Variants in TUBGCP4 observed in about 807,000 individuals in gnomAD.
TUBGCP4 encodes gamma-tubulin complex component 4.
A neutral mutation model predicts 91.6 loss-of-function variants in TUBGCP4; 54 were observed. That is an observed-to-expected ratio of 0.59 (90% confidence interval 0.47 to 0.74). TUBGCP4 has a LOEUF of 0.74. TUBGCP4 is among the 30% of genes least tolerant of loss of function. The pLI, the probability that TUBGCP4 is intolerant of heterozygous loss-of-function variation, is 0.00. For missense variants in TUBGCP4, 593 were observed against 800.9 expected, an observed-to-expected ratio of 0.74 and a Z score of 3.13; for synonymous variants, 297 against 302.8, an observed-to-expected ratio of 0.98 and a Z score of 0.20.
chr15:43,387,348 A>G (rs2044392347), intron 9 of TUBGCP4, among the ~76,000 whole-genome samples: 1 of 152,230 alleles, frequency 6.6e-6, no homozygotes. Context: ...TTATATTAAC[A>G]TTTGTCTCAT....
intron 11 of TUBGCP4, 130 bp from the exon 12 acceptor site, chr15:43,397,062 GAAGGATGGATGGGTGTTAGACA>G (rs1194637380): frequency 1.5e-6 from 1 of 653,170 alleles, no homozygotes; most frequent in Admixed American, 2.3e-5. Flanking sequence ...AGCAAGAAGA[GAAGGATGGATGGGTGTTAGACA>G]AATGAAACAG....
intron 6 of TUBGCP4, 116 bp downstream of exon 6, chr15:43,380,279 AGGATAG>A (rs2044268137): frequency 5.3e-6 from 5 of 941,472 alleles, no homozygotes; most frequent in Non-Finnish European, 8.1e-6. Flanking sequence ...GGTTATAACC[AGGATAG>A]AAAAAGCTCC....
intron 11 of TUBGCP4, 128 bp downstream of exon 11, chr15:43,395,816 A>G: frequency 1.4e-6 from 1 of 723,662 alleles, no homozygotes; most frequent in East Asian, 2.5e-5. Context: ...AGTGGCTTCC[A>G]GAGATGGAAG....
At chr15:43,372,790 C>A (rs570227155) in intron 1 of TUBGCP4, among the ~76,000 whole-genome samples, 4 of 152,226 alleles carry the variant, frequency 2.6e-5, no homozygotes, top group African/African-American at 7.2e-5. Flanking sequence ...GCATCCTCCC[C>A]TGATGCCATT....
chr15:43,401,155 G>A (rs2044671036), intron 14 of TUBGCP4, among the ~76,000 whole-genome samples: 1 of 151,972 alleles, frequency 6.6e-6, no homozygotes, highest in South Asian at 2.1e-4. Flanking sequence ...AGTGGATTAG[G>A]ATGGGGCAGG....
chr15:43,406,760 C>T lies in TUBGCP4; in HGVS notation c.*1546C>T, dbSNP rs2044906185. The T allele has an allele frequency of 1.6e-5, 6 of 372,628 alleles. No individual in the cohort carries two copies. The highest frequency in any genetic ancestry group is 7.4e-5 in the East Asian group (1 of 13,494). The allele number at this position is 372,628 out of a possible 1,614,324, so 23.1% of individuals were successfully genotyped here. On this transcript the variant is annotated 3_prime_UTR_variant, in exon 18 of 18. Coordinates refer to ENST00000564079, the MANE Select transcript of TUBGCP4 (RefSeq NM_014444.5). ...CGTGTAACATTTCCAGGTGTTCTCA[C>T]TTGTGCTTCCCATGTTTATCTTACG...
Position 43,376,216 on chromosome 15 carries a change from TGCAACA to T in TUBGCP4, c.201_206del (p.Gln68_Gln69del), listed in dbSNP as rs1566889183. On this transcript the variant is annotated inframe_deletion, in exon 2 of 18. Transcript: ENST00000564079. Reference sequence around the variant, plus strand: ...TTCATTGAACAGTACACGGGCCATGTGCAACAGCAGGTGGGTCCTGTTCTCTGTGGG... The same window carrying T: ...TTCATTGAACAGTACACGGGCCATGTGCAGGTGGGTCCTGTTCTCTGTGGG... 2 of 1,613,668 alleles carry T rather than the reference TGCAACA, an allele frequency of 1.2e-6. No individual in the cohort carries two copies. The highest frequency in any genetic ancestry group is 1.7e-6 in the Non-Finnish European group (2 of 1,179,978).
Position 43,395,688 on chromosome 15 carries a change from G to T in TUBGCP4, c.1171G>T (p.Asp391Tyr). 6.2e-7 allele frequency: 1 copy of T among 1,610,742 alleles called. No homozygotes were observed. The highest frequency in any genetic ancestry group is 1.1e-5 in the South Asian group (1 of 91,022). Residue 391 changes from aspartate to tyrosine, a missense_variant and splice_region_variant, in exon 11 of 18, where the codon GAT (aspartate) becomes TAT (tyrosine). Coordinates refer to ENST00000564079, the MANE Select transcript of TUBGCP4 (RefSeq NM_014444.5). ...KTPPTAVTEH[D>Y]VNVAFQQSAH... ...ACCACCCACTGCAGTAACTGAGCAT[G>T]GTAATTGTCAGTGGCCCTGAGAATG... is the stretch of plus-strand genomic sequence containing the variant.
intron 5 of TUBGCP4, among the ~76,000 whole-genome samples, chr15:43,378,760 G>A (rs552800615): frequency 6.6e-6 from 1 of 152,358 alleles, no homozygotes; most frequent in South Asian, 2.1e-4. Context: ...GTCACTGGCT[G>A]TGTACTAGGC....
intron 4 of TUBGCP4, 65 bp from the exon 5 acceptor site, chr15:43,377,782 C>T: frequency 7.8e-7 from 1 of 1,282,522 alleles, no homozygotes; most frequent in Non-Finnish European, 1.1e-6. Flanking sequence ...AAAAGCATTT[C>T]CCAAGTTGAT....
chr15:43,404,137 G>T, intron 16 of TUBGCP4: 1 of 512,440 alleles, frequency 2.0e-6, no homozygotes, highest in South Asian at 3.0e-5. Flanking sequence ...AATCAAAACG[G>T]GTTCTCCCCA....
intron 6 of TUBGCP4, among the ~76,000 whole-genome samples, chr15:43,381,014 C>T (rs1422446025): frequency 1.3e-5 from 2 of 151,778 alleles, no homozygotes; most frequent in Non-Finnish European, 2.9e-5. Flanking sequence ...GCTATGTTGC[C>T]CAGGCTGGTC....
intron 1 of TUBGCP4, among the ~76,000 whole-genome samples, chr15:43,375,758 G>C (rs1471238545): frequency 1.3e-5 from 2 of 152,134 alleles, no homozygotes; most frequent in African/African-American, 2.4e-5. Flanking sequence ...GTTGCAACCA[G>C]GTCAAAACCC....
At chr15:43,390,103 A>G (rs2044441800) in intron 9 of TUBGCP4, among the ~76,000 whole-genome samples, 1 of 152,102 alleles carries the variant, frequency 6.6e-6, no homozygotes, top group South Asian at 2.1e-4. Context: ...GTCACTATGA[A>G]ATAAGACTGT....
intron 11 of TUBGCP4, 93 bp downstream of exon 11, chr15:43,395,781 A>T: frequency 1.0e-6 from 1 of 1,001,098 alleles, no homozygotes; most frequent in Non-Finnish European, 1.6e-6. Context: ...GCTCCACATA[A>T]GAGCAGCCTG....
chr15:43,377,131 T>C, intron 4 of TUBGCP4, 64 bp downstream of exon 4: 1 of 1,389,102 alleles, frequency 7.2e-7, no homozygotes, highest in Non-Finnish European at 1.0e-6. Context: ...ATCTAATTTA[T>C]GGTACTGTTT....
In TUBGCP4 at chr15:43,376,566, A is replaced by G; in HGVS notation, c.271A>G (p.Thr91Ala). 6.2e-7 allele frequency: 1 copy of G among 1,614,242 alleles called. No individual in the cohort carries two copies. The highest frequency in any genetic ancestry group is 1.6e-4 in the Middle Eastern group (1 of 6,062). ...LHGIYLRAFC[T>A]GLDSVLQPYR... ...TGGAATCTACCTGCGGGCCTTCTGC[A>G]CAGGGCTGGATTCTGTTTTGCAGCC... The change falls in exon 3 of 18, where the codon ACA becomes GCA. Residue 91 changes from threonine to alanine, a missense_variant. Physicochemically the swap from Thr to Ala is moderately conservative, Grantham distance 58 (BLOSUM62 0). Coordinates refer to ENST00000564079, the MANE Select transcript of TUBGCP4 (RefSeq NM_014444.5).
intron 5 of TUBGCP4, among the ~76,000 whole-genome samples, chr15:43,378,902 G>C (rs1469160791): frequency 1.3e-5 from 2 of 152,358 alleles, no homozygotes; most frequent in Non-Finnish European, 2.9e-5. Context: ...GCTCCAAAGA[G>C]TGTGCTCTTA....
chr15:43,379,208 C>T lies in TUBGCP4; in HGVS notation c.442-876C>T, dbSNP rs537719074. ...GATTGATTGCAGACAGGCACAAAGG[C>T]GCTTTTTGGAGTAGTGGAAATGTTA... On this transcript the variant is annotated intron_variant, in intron 5 of 17. Transcript: ENST00000564079. Among the ~76,000 whole-genome samples, 11 of 152,192 alleles carry T rather than the reference C, an allele frequency of 7.2e-5. No homozygotes were observed. In the South Asian group the frequency reaches 1.2e-3, roughly 17 times the overall value.
Sources: gnomAD v4.1 joint callset for allele counts (sites outside exome capture counted in the v4.1 genomes callset) on GRCh38, gnomAD v4.1.1 for gene constraint, MANE v1.5 for transcripts, NCBI Gene and HGNC (gene_info 2026-07-23, HGNC 2026-07-21) for gene names.